The following HAO2 variants were observed in gnomAD, a reference collection of about 807,000 sequenced individuals.
HAO2 encodes hydroxyacid oxidase 2, also known as 2-Hydroxyacid oxidase 2.
Under a neutral mutation model 37.4 loss-of-function variants are expected in HAO2, and 42 were observed. The observed-to-expected ratio is 1.12, with a 90% CI of 0.88 to 1.45. HAO2 has a LOEUF of 1.45. HAO2 is among the 40% of genes most tolerant of loss of function. The pLI is 0.00. For synonymous variants in HAO2, 180 were observed against 162.8 expected, an observed-to-expected ratio of 1.11 and a Z score of -0.81; for missense variants, 476 against 430.2, an observed-to-expected ratio of 1.11 and a Z score of -0.94.
At chr1:119,378,995 G>A (rs1363177831) in intron 1 of HAO2, among the ~76,000 whole-genome samples, 6 of 152,136 alleles carry the variant, frequency 3.9e-5, no homozygotes, top group African/African-American at 9.7e-5. Context: ...ACAAATAGTC[G>A]AGGCTATGCT....
Position 119,381,222 on chromosome 1 carries a change from G to A in HAO2, c.131+6G>A. ...AACATTGCAGCATTTAAAAGGTGTG[G>A]TCTTCTGTAGCCTGTCTATTGTTAG... On this transcript the variant is annotated splice_donor_region_variant and intron_variant, in intron 2 of 7. Coordinates refer to ENST00000325945, the MANE Select transcript of HAO2 (RefSeq NM_016527.4). 1.2e-6 allele frequency: 2 copies of A among 1,603,956 alleles called. No individual in the cohort carries two copies. Among genetic ancestry groups the A allele is most frequent in the Non-Finnish European group, 1.7e-6 (2 of 1,170,768 alleles).
rs942823207 is a variant in HAO2, at chr1:119,369,928, G to C, written c.-9+1026G>C. Among the ~76,000 whole-genome samples the C allele has an allele frequency of 7.9e-5, 12 of 151,884 alleles. 1 individual carries two copies. Among genetic ancestry groups the C allele is most frequent in the African/African-American group, 2.9e-4 (12 of 41,342 alleles). ...TTAGCATAATACTTTGATATATTAT[G>C]TTAAATCAGGCTATGTTATAGTAAA... On this transcript the variant is annotated intron_variant, in intron 1 of 7. Coordinates refer to ENST00000325945, the MANE Select transcript of HAO2 (RefSeq NM_016527.4).
At chr1:119,378,491 A>G (rs116763251) in intron 1 of HAO2, among the ~76,000 whole-genome samples, 76 of 152,360 alleles carry the variant, frequency 5.0e-4, no homozygotes, top group African/African-American at 1.8e-3. Context: ...TAGGAAGACT[A>G]ATACCTTCTC....
rs761278641 is a variant in HAO2 at position 119,383,079 on chromosome 1, C to T, written c.283+13C>T. On this transcript the variant is annotated intron_variant, in intron 3 of 7. Transcript: ENST00000325945. ...AGCACAGCAAGAGGTATGAACCATCCCCACCTCGAGGCTCCTTTCCGGGAG... is the reference window on the plus strand; with the variant it reads ...AGCACAGCAAGAGGTATGAACCATCTCCACCTCGAGGCTCCTTTCCGGGAG... The T allele has an allele frequency of 9.4e-6, 15 of 1,601,724 alleles. No individual in the cohort carries two copies. Among genetic ancestry groups the T allele is most frequent in the Non-Finnish European group, 1.3e-5 (15 of 1,172,412 alleles).
chr1:119,376,817 A>G (rs1473406256), intron 1 of HAO2, among the ~76,000 whole-genome samples: 1 of 152,204 alleles, frequency 6.6e-6, no homozygotes, highest in African/African-American at 2.4e-5. Flanking sequence ...CCTTTTAGCC[A>G]TGGCTGGAAC....
At chr1:119,376,856 A>C (rs1379959411) in intron 1 of HAO2, among the ~76,000 whole-genome samples, 1 of 152,136 alleles carries the variant, frequency 6.6e-6, no homozygotes, top group East Asian at 1.9e-4. Flanking sequence ...AGACTGCACA[A>C]AGCAGCAAGG....
intron 1 of HAO2, among the ~76,000 whole-genome samples, chr1:119,378,123 C>T (rs1649628302): frequency 6.6e-6 from 1 of 152,190 alleles, no homozygotes; most frequent in Admixed American, 6.5e-5. Context: ...TGAGAACCAA[C>T]TATTTTGTTC....
chr1:119,384,525 T>C (rs1650221113), intron 3 of HAO2, among the ~76,000 whole-genome samples: 1 of 152,216 alleles, frequency 6.6e-6, no homozygotes, highest in South Asian at 2.1e-4. Flanking sequence ...ATGGCATCTT[T>C]AGCTGGAAAT....
chr1:119,386,855 G>C (rs374450881), intron 5 of HAO2, 24 bp downstream of exon 5: 68 of 1,473,492 alleles, frequency 4.6e-5, no homozygotes, highest in Non-Finnish European at 6.4e-5. Flanking sequence ...CTTCAGAGAA[G>C]GGTGTGTTTG....
At chr1:119,371,474 G>C (rs932319041) in intron 1 of HAO2, among the ~76,000 whole-genome samples, 2 of 152,202 alleles carry the variant, frequency 1.3e-5, no homozygotes, top group African/African-American at 4.8e-5. Flanking sequence ...GATTTTTTGA[G>C]GGAAGAAAGC....
In HAO2 at chr1:119,392,197, C is replaced by T. The variant is rs1174185806; in HGVS notation, c.859C>T (p.Leu287=). The T allele has an allele frequency of 3.7e-6, 6 of 1,613,270 alleles. No homozygotes were observed. The Admixed American group carries it at 1.0e-4, about 27-fold the overall frequency. The change falls in exon 6 of 8, where the codon CTG becomes TTG. Residue 287 remains leucine, a synonymous_variant. Coordinates refer to ENST00000325945, the MANE Select transcript of HAO2 (RefSeq NM_016527.4). ...CGGGGTCCGAACTGGCAATGATGTGCTGAAGGCTCTGGCCCTTGGAGCTAA... is the reference window on the plus strand; with the variant it reads ...CGGGGTCCGAACTGGCAATGATGTGTTGAAGGCTCTGGCCCTTGGAGCTAA... The part of the protein sequence containing the change: ...DGGVRTGNDV[L]KALALGAKCI...
intron 1 of HAO2, among the ~76,000 whole-genome samples, chr1:119,377,814 C>A (rs587754539): frequency 1.3e-5 from 2 of 152,294 alleles, no homozygotes; most frequent in African/African-American, 4.8e-5. Context: ...TGGCTGTAAT[C>A]CCAGCACTTT....
chr1:119,373,011 A>G (rs1037034089), intron 1 of HAO2, among the ~76,000 whole-genome samples: 9 of 152,204 alleles, frequency 5.9e-5, no homozygotes, highest in Non-Finnish European at 1.2e-4. Flanking sequence ...TGAAATACAC[A>G]AAAATGTATA....
chr1:119,373,909 A>G (rs1449694815), intron 1 of HAO2, among the ~76,000 whole-genome samples: 1 of 152,222 alleles, frequency 6.6e-6, no homozygotes, highest in African/African-American at 2.4e-5. Context: ...ATTATGGTTC[A>G]GAAGGCTCCT....
At chr1:119,383,163 A>G in intron 3 of HAO2, 97 bp downstream of exon 3, 1 of 813,446 alleles carries the variant, frequency 1.2e-6, no homozygotes, top group Non-Finnish European at 2.0e-6. Flanking sequence ...GGGCCTTAGG[A>G]ACATAATCTG....
intron 5 of HAO2, among the ~76,000 whole-genome samples, chr1:119,387,672 C>T (rs1285360515): frequency 6.6e-6 from 1 of 152,016 alleles, no homozygotes; most frequent in Non-Finnish European, 1.5e-5. Flanking sequence ...TTTTACTTAG[C>T]ATTATATTAA....
intron 7 of HAO2, 77 bp downstream of exon 7, chr1:119,392,764 A>G (rs1651016402): frequency 6.7e-6 from 6 of 897,806 alleles, no homozygotes; most frequent in Non-Finnish European, 1.1e-5. Flanking sequence ...CCTTCCCTCT[A>G]GCAGACCCTT....
At chr1:119,372,373 G>A (rs1185827255) in intron 1 of HAO2, among the ~76,000 whole-genome samples, 1 of 152,164 alleles carries the variant, frequency 6.6e-6, no homozygotes, top group Non-Finnish European at 1.5e-5. Context: ...GAAGTTCTTT[G>A]CTAGGTCTAA....
At chr1:119,381,306 A>C (rs1249737279) in intron 2 of HAO2, 90 bp downstream of exon 2, 1 of 905,204 alleles carries the variant, frequency 1.1e-6, no homozygotes, top group Non-Finnish European at 1.8e-6. Flanking sequence ...TCTGCCTCCA[A>C]AAAACACAGA....
Sources: gnomAD v4.1 joint callset for allele counts (sites outside exome capture counted in the v4.1 genomes callset) on GRCh38, gnomAD v4.1.1 for gene constraint, MANE v1.5 for transcripts, NCBI Gene and HGNC (gene_info 2026-07-23, HGNC 2026-07-21) for gene names.